The following GALNT2 variants were observed in gnomAD, a reference collection of about 807,000 sequenced individuals.
The protein encoded by GALNT2 is UDP-GalNAc:polypeptide N-acetylgalactosaminyltransferase 2.
Under a neutral mutation model 81.4 loss-of-function variants are expected in GALNT2, and 31 were observed. The observed-to-expected ratio is 0.38, with a 90% confidence interval of 0.29 to 0.51. The LOEUF (loss-of-function observed/expected upper bound fraction) is 0.51, where lower values mean the gene tolerates loss of function less well. GALNT2 is among the 20% of genes least tolerant of loss of function. The pLI, the probability that GALNT2 is intolerant of heterozygous loss-of-function variation, is 0.87. For missense variants in GALNT2, 629 were observed against 765.7 expected (o/e 0.82, Z 2.11); for synonymous variants, 303 against 287.4 (o/e 1.05, Z -0.55).
intron 1 of GALNT2, among the ~76,000 whole-genome samples, chr1:230,177,866 G>T (rs1448924248): frequency 6.6e-6 from 1 of 152,152 alleles, no homozygotes; most frequent in Non-Finnish European, 1.5e-5. Context: ...AACCACTCTA[G>T]AATTATTTCA....
intron 3 of GALNT2, among the ~76,000 whole-genome samples, chr1:230,234,712 C>G (rs766511189): frequency 5.3e-5 from 8 of 152,122 alleles, no homozygotes; most frequent in African/African-American, 1.4e-4. Flanking sequence ...TCTAGAAGTC[C>G]TCGTGGGCTG....
intron 1 of GALNT2, among the ~76,000 whole-genome samples, chr1:230,103,300 A>G (rs1660452841): frequency 6.6e-6 from 1 of 152,214 alleles, no homozygotes; most frequent in Admixed American, 6.5e-5. Context: ...TGAGACCTTT[A>G]GTGTGGTGTT....
In GALNT2 at chr1:230,271,955, C is replaced by T. The variant is rs6685692; in HGVS notation, c.1441-2490C>T. Among the ~76,000 whole-genome samples, 6,953 of 152,276 alleles carry T rather than the reference C, an allele frequency of 0.046. 334 individuals carry two copies. The highest frequency in any genetic ancestry group is 0.22 in the East Asian group (1,136 of 5,174). On this transcript the variant is annotated intron_variant, in intron 14 of 15. Transcript: ENST00000366672. The surrounding 1 kb of genome is among the most constrained non-coding windows in gnomAD (Gnocchi z 4.2). ...ACCTGGTCTTTCTGGTGACCAGCCCCGTCCAGGAGCCCATTAGAGTTGCTT... is the reference window on the plus strand; with the variant it reads ...ACCTGGTCTTTCTGGTGACCAGCCCTGTCCAGGAGCCCATTAGAGTTGCTT...
chr1:230,173,463 C>A (rs938255101), intron 1 of GALNT2, among the ~76,000 whole-genome samples: 7 of 152,194 alleles, frequency 4.6e-5, no homozygotes, highest in Non-Finnish European at 8.8e-5. Context: ...CATTCACTGT[C>A]AACATCCCTC....
chr1:230,209,562 C>T (rs1664169070), intron 3 of GALNT2, among the ~76,000 whole-genome samples: 1 of 152,246 alleles, frequency 6.6e-6, no homozygotes, highest in Non-Finnish European at 1.5e-5. Context: ...TATTGTTGGG[C>T]CAGGTGCAGT....
chr1:230,242,936 C>T (rs11122474), intron 6 of GALNT2, among the ~76,000 whole-genome samples: 19,341 of 152,160 alleles, frequency 0.13, 2,268 homozygotes, highest in East Asian at 0.57. Flanking sequence ...CTGGAAGTCT[C>T]TGGGTGACAC....
At chr1:230,112,918 G>T (rs1338546836) in intron 1 of GALNT2, among the ~76,000 whole-genome samples, 1 of 152,218 alleles carries the variant, frequency 6.6e-6, no homozygotes, top group Admixed American at 6.5e-5. Flanking sequence ...CTTAGGAACT[G>T]CCTGGGACAG....
At chr1:230,060,934 C>T (rs914097265) in intron 1 of GALNT2, among the ~76,000 whole-genome samples, 11 of 152,294 alleles carry the variant, frequency 7.2e-5, no homozygotes, top group African/African-American at 2.6e-4. Flanking sequence ...CTTTCTCTCT[C>T]TCTCGCTCTT....
chr1:230,159,916 C>T (rs1662378353), intron 1 of GALNT2, among the ~76,000 whole-genome samples: 1 of 152,140 alleles, frequency 6.6e-6, no homozygotes, highest in Non-Finnish European at 1.5e-5. Context: ...CTGGAGGAGT[C>T]AGCTGCTGTG....
At chr1:230,159,302 G>A (rs981178952) in intron 1 of GALNT2, among the ~76,000 whole-genome samples, 1 of 152,220 alleles carries the variant, frequency 6.6e-6, no homozygotes, top group Admixed American at 6.5e-5. Flanking sequence ...CTTTGCACAC[G>A]AAGGCAAAGC....
intron 13 of GALNT2, 32 bp downstream of exon 13, chr1:230,263,037 G>T: frequency 1.9e-6 from 3 of 1,575,218 alleles, no homozygotes; most frequent in Non-Finnish European, 8.7e-7. Flanking sequence ...GTTTCACTTT[G>T]TAAGGGCTTA....
At chr1:230,266,034 TA>T (rs199851711) in intron 14 of GALNT2, among the ~76,000 whole-genome samples, 2 of 149,196 alleles carry the variant, frequency 1.3e-5, no homozygotes, top group African/African-American at 2.5e-5. Flanking sequence ...CTGCTAAAAA[TA>T]AAAAAAAAAT....
chr1:230,137,690 C>T (rs1202089022), intron 1 of GALNT2, among the ~76,000 whole-genome samples: 1 of 152,200 alleles, frequency 6.6e-6, no homozygotes, highest in Non-Finnish European at 1.5e-5. Context: ...GGATGTTTGC[C>T]AGGCTTTCTG....
Position 230,243,685 on chromosome 1 carries a change from G to T in GALNT2, c.729+258G>T, listed in dbSNP as rs1462454034. On this transcript the variant is annotated intron_variant, in intron 7 of 15. Transcript: ENST00000366672. This position sits in a 1 kb window ranked among gnomAD's most constrained non-coding sequence, Gnocchi z 4.2. The stretch of plus-strand genomic sequence containing the variant: ...AGGTAGGAGGCGAGGATCAGCAGAG[G>T]CTGGTGAGAGCCTGATTAGTTGAAG... Among the ~76,000 whole-genome samples, 1 of 152,240 alleles carries T rather than the reference G, an allele frequency of 6.6e-6. No homozygotes were observed. The highest frequency in any genetic ancestry group is 1.5e-5 in the Non-Finnish European group (1 of 68,044).
At chr1:230,066,854 C>T (rs1255299943), upstream of GALNT2, among the ~76,000 whole-genome samples, 1 of 151,842 alleles carries the variant, frequency 6.6e-6, no homozygotes, top group East Asian at 1.9e-4. Flanking sequence ...CCACCTGTCA[C>T]TCACGGGGGA....
intron 11 of GALNT2, among the ~76,000 whole-genome samples, chr1:230,260,970 C>T (rs1400343240): frequency 6.6e-6 from 1 of 152,124 alleles, no homozygotes; most frequent in Non-Finnish European, 1.5e-5. Flanking sequence ...TTTTATTTTC[C>T]CACAAGTCCA....
At chr1:230,204,877 G>T (rs1432527641) in intron 3 of GALNT2, among the ~76,000 whole-genome samples, 1 of 152,202 alleles carries the variant, frequency 6.6e-6, no homozygotes, top group African/African-American at 2.4e-5. Context: ...CATTCCAGCT[G>T]CTAGGGGTGG....
At chr1:230,134,112 GT>G (rs977480955) in intron 1 of GALNT2, among the ~76,000 whole-genome samples, 5,641 of 120,754 alleles carry the variant, frequency 0.047, 79 homozygotes, top group Non-Finnish European at 0.062. Context: ...ACCTGAATCT[GT>G]TTTTTTTTTT....
rs1553273633 is a variant in GALNT2 at position 230,249,262 on chromosome 1, C to A, written c.896C>A (p.Ala299Asp). ...AGGTCCCGGCAGGGGAACCCAGTCG[C>A]CCCTATAAAGTAAGTGCCAGCATCC... ...QRRSRQGNPVAPIKTPMIAGG... is the reference protein window; with the variant it reads ...QRRSRQGNPVDPIKTPMIAGG... Residue 299 changes from alanine (A) to aspartate (D), a missense_variant, in exon 9 of 16, where the codon GCC becomes GAC. By Grantham distance (126) the Ala-to-Asp change is moderately radical. Coordinates refer to ENST00000366672, the MANE Select transcript of GALNT2 (RefSeq NM_004481.5). The A allele has an allele frequency of 6.2e-7, 1 of 1,613,990 alleles. No individual in the cohort carries two copies. Among genetic ancestry groups the A allele is most frequent in the South Asian group, 1.1e-5 (1 of 91,074 alleles).
Sources: allele counts gnomAD v4.1 joint callset (sites outside exome capture counted in the v4.1 genomes callset), GRCh38; gene constraint gnomAD v4.1.1; non-coding constraint Gnocchi (gnomAD v3.1); transcripts MANE v1.5; gene names NCBI Gene and HGNC (gene_info 2026-07-23, HGNC 2026-07-21).